PYHIN1: variants seen among roughly 807,000 people sequenced by gnomAD.
PYHIN1 encodes pyrin and HIN domain family member 1, also known as pyrin and HIN domain-containing protein 1.
Under a neutral mutation model 43.7 loss-of-function variants are expected in PYHIN1, and 32 were observed. The ratio of observed to expected loss-of-function variants is 0.73; its 90% CI spans 0.55 to 0.98. The LOEUF (loss-of-function observed/expected upper bound fraction) is 0.98. Ranked by LOEUF, PYHIN1 falls within the 50% of genes least tolerant of loss-of-function variation. The probability of loss-of-function intolerance (pLI) is 0.00; values close to 1 mark genes in which losing one functional copy is unlikely to be tolerated. For synonymous variants in PYHIN1, 205 were observed against 203.1 expected (o/e 1.01, Z -0.08); for missense variants, 588 against 589.5 (o/e 1.00, Z 0.03).
At chr1:158,943,713 A>G (rs1034310563) in intron 5 of PYHIN1, 77 bp from the exon 6 acceptor site, 14 of 1,071,798 alleles carry the variant, frequency 1.3e-5, no homozygotes, top group Non-Finnish European at 1.8e-5. Context: ...CTTGTTTTTA[A>G]TCTGTCACAA....
intron 4 of PYHIN1, among the ~76,000 whole-genome samples, chr1:158,940,852 C>G (rs1372762372): frequency 6.6e-6 from 1 of 152,178 alleles, no homozygotes; most frequent in Non-Finnish European, 1.5e-5. Context: ...CATATTTACT[C>G]CTATGTATAC....
chr1:158,943,728 CT>C, intron 5 of PYHIN1, 61 bp from the exon 6 acceptor site: 1 of 1,281,966 alleles, frequency 7.8e-7, no homozygotes, highest in Non-Finnish European at 1.1e-6. Context: ...TCACAAGAGA[CT>C]TTCCTATATG....
At chr1:158,985,785 T>C in the PYHIN1 span, among the ~76,000 whole-genome samples, 2 of 152,198 alleles carry the variant, frequency 1.3e-5, no homozygotes, top group Non-Finnish European at 2.9e-5. Context: ...CTTTCTGTGA[T>C]GCAAATCAGT....
chr1:158,959,794 C>T (rs562789824), intron 7 of PYHIN1, among the ~76,000 whole-genome samples: 45 of 152,284 alleles, frequency 3.0e-4, no homozygotes, highest in Non-Finnish European at 5.9e-4. Context: ...ATACCATAAG[C>T]TCAGATGGTA....
chr1:158,966,172 C>T (rs1309450064), intron 7 of PYHIN1, among the ~76,000 whole-genome samples: 1 of 151,994 alleles, frequency 6.6e-6, no homozygotes, highest in African/African-American at 2.4e-5. Flanking sequence ...GAAGACTAAC[C>T]CAGGAGGAAA....
Position 158,939,537 on chromosome 1 carries a change from T to C in PYHIN1, c.579+290T>C, listed in dbSNP as rs1648782364. On this transcript the variant is annotated intron_variant, in intron 4 of 8. Coordinates refer to ENST00000368140, the MANE Select transcript of PYHIN1 (RefSeq NM_152501.5). ...CACTGTCTACTGCCCCCATCTATTATACACCCATTCCCTTTGCTCACTAAT... is the reference window on the plus strand; with the variant it reads ...CACTGTCTACTGCCCCCATCTATTACACACCCATTCCCTTTGCTCACTAAT... 7 of 1,548,082 alleles carry C rather than the reference T, an allele frequency of 4.5e-6. No individual in the cohort carries two copies. The African/African-American group carries it at 5.5e-5, about 12-fold the overall frequency.
intron 8 of PYHIN1, 40 bp from the exon 9 acceptor site, chr1:158,976,661 G>A (rs1450789350): frequency 8.5e-6 from 13 of 1,524,928 alleles, no homozygotes; most frequent in African/African-American, 1.4e-5. Flanking sequence ...ATGACTCCCT[G>A]CATCTCAACG....
At chr1:158,939,596 T>G in intron 4 of PYHIN1, 1 of 1,371,408 alleles carries the variant, frequency 7.3e-7, no homozygotes. Context: ...ACCATGCTCC[T>G]TTTTCCTTTA....
At chr1:158,952,942 G>T (rs1269732703) in intron 7 of PYHIN1, among the ~76,000 whole-genome samples, 1 of 152,232 alleles carries the variant, frequency 6.6e-6, no homozygotes, top group Admixed American at 6.5e-5. Flanking sequence ...CCTCACTTGG[G>T]AAGCACAAGG....
intron 7 of PYHIN1, among the ~76,000 whole-genome samples, chr1:158,968,744 C>G (rs372343796): frequency 3.0e-4 from 46 of 152,228 alleles, no homozygotes; most frequent in African/African-American, 1.1e-3. Context: ...CACATGCACA[C>G]CATGGAATAC....
rs921760048 is a variant in PYHIN1, at chr1:158,933,391, A to C, written c.-21+1615A>C. Among the ~76,000 whole-genome samples, 2 of 151,822 alleles carry C rather than the reference A, an allele frequency of 1.3e-5. No homozygotes were observed. The highest frequency in any genetic ancestry group is 4.8e-5 in the African/African-American group (2 of 41,432). On this transcript the variant is annotated intron_variant, in intron 1 of 8. Coordinates refer to ENST00000368140, the MANE Select transcript of PYHIN1 (RefSeq NM_152501.5). The surrounding 1 kb of genome is among the most constrained non-coding windows in gnomAD (Gnocchi z 6.3). ...ATAATTTAAATTATTGTATCTTCCC[A>C]GGAATTCAACCTTTTACCATGTGGT...
chr1:158,952,625 T>G (rs1649619490), intron 7 of PYHIN1, among the ~76,000 whole-genome samples: 1 of 152,148 alleles, frequency 6.6e-6, no homozygotes, highest in Non-Finnish European at 1.5e-5. Flanking sequence ...CTCCTTCCCC[T>G]TTTTAGGCTC....
In PYHIN1 at chr1:158,934,395, C is replaced by T. The variant is rs1351304905; in HGVS notation, c.-20-2496C>T. Among the ~76,000 whole-genome samples, 4 of 152,098 alleles carry T rather than the reference C, an allele frequency of 2.6e-5. No homozygotes were observed. The South Asian group carries it at 8.3e-4, about 31-fold the overall frequency. On this transcript the variant is annotated intron_variant, in intron 1 of 8. Coordinates refer to ENST00000368140, the MANE Select transcript of PYHIN1 (RefSeq NM_152501.5). ...TTTTTGTTTAGCAATTTATATGGGA[C>T]TTTGGGCCAGCATTATATAAAAATG...
At chr1:158,971,152 G>C (rs1024154735) in intron 7 of PYHIN1, among the ~76,000 whole-genome samples, 1 of 151,876 alleles carries the variant, frequency 6.6e-6, no homozygotes, top group African/African-American at 2.4e-5. Context: ...AGATGGCTAG[G>C]GTTTGTTGTC....
At chr1:158,952,044 A>C (rs1342820697) in intron 7 of PYHIN1, among the ~76,000 whole-genome samples, 1 of 151,798 alleles carries the variant, frequency 6.6e-6, no homozygotes, top group African/African-American at 2.4e-5. Context: ...TGGAGAGCTA[A>C]GCAGGTGGGC....
chr1:158,956,555 C>T (rs915209207), intron 7 of PYHIN1, among the ~76,000 whole-genome samples: 2 of 151,572 alleles, frequency 1.3e-5, no homozygotes, highest in African/African-American at 4.9e-5. Flanking sequence ...ATTCAACAAC[C>T]CTTCATGCTA....
chr1:158,964,401 G>T (rs1650498461), intron 7 of PYHIN1, among the ~76,000 whole-genome samples: 1 of 152,032 alleles, frequency 6.6e-6, no homozygotes, highest in Non-Finnish European at 1.5e-5. Flanking sequence ...TACACAAAAA[G>T]ACCATCCCCA....
At chr1:158,934,435 T>C (rs1648381695) in intron 1 of PYHIN1, among the ~76,000 whole-genome samples, 1 of 152,188 alleles carries the variant, frequency 6.6e-6, no homozygotes. Context: ...CATTCTCCTC[T>C]TTCAAGTAGA....
chr1:158,978,239 C>A (rs1050159047), downstream of PYHIN1, among the ~76,000 whole-genome samples: 3 of 151,740 alleles, frequency 2.0e-5, no homozygotes, highest in African/African-American at 7.3e-5. Flanking sequence ...TGCCAAATAT[C>A]ATTGCTAATA....
Sources: allele counts gnomAD v4.1 joint callset (sites outside exome capture counted in the v4.1 genomes callset), GRCh38; gene constraint gnomAD v4.1.1; non-coding constraint Gnocchi (gnomAD v3.1); transcripts MANE v1.5; gene names NCBI Gene and HGNC (gene_info 2026-07-23, HGNC 2026-07-21).